The following SNED1 variants were observed in gnomAD, a reference collection of about 807,000 sequenced individuals.
The protein encoded by SNED1 is sushi, nidogen and EGF-like domain-containing protein 1.
SNED1 carries 81 observed loss-of-function variants against 166.7 expected under a neutral mutation model. The ratio of observed to expected loss-of-function variants is 0.49; its 90% CI spans 0.41 to 0.58. The LOEUF (loss-of-function observed/expected upper bound fraction) is 0.58. Among genes scored for constraint, SNED1 ranks in the 20% least tolerant of loss-of-function variants. SNED1 has a pLI of 0.00. For synonymous variants in SNED1, 762 were observed against 822.0 expected (o/e 0.93, Z 1.25); for missense variants, 1,604 against 2,000.2 (o/e 0.80, Z 3.78).
At chr2:241,072,897 T>G in intron 26 of SNED1, 1 of 288,186 alleles carries the variant, frequency 3.5e-6, no homozygotes, top group Non-Finnish European at 6.5e-6. Flanking sequence ...GAGCAGGGGG[T>G]GCCACAGCCT....
chr2:241,028,773 A>G (rs898398673), intron 1 of SNED1, among the ~76,000 whole-genome samples: 3 of 152,136 alleles, frequency 2.0e-5, no homozygotes, highest in Admixed American at 6.5e-5. Flanking sequence ...ATAAAATTCT[A>G]AAGTTTGCAT....
intron 26 of SNED1, chr2:241,072,463 G>A: frequency 2.8e-6 from 1 of 355,234 alleles, no homozygotes; most frequent in South Asian, 2.1e-5. Context: ...CTGCCCCAGA[G>A]GGGACCTCTC....
At chr2:241,058,780 C>G (rs2062142510) in intron 16 of SNED1, among the ~76,000 whole-genome samples, 1 of 152,238 alleles carries the variant, frequency 6.6e-6, no homozygotes, top group African/African-American at 2.4e-5. Flanking sequence ...GAAACCCCGT[C>G]TCTACTAAAA....
At chr2:241,014,695 C>T (rs1172745177) in intron 1 of SNED1, among the ~76,000 whole-genome samples, 3 of 152,178 alleles carry the variant, frequency 2.0e-5, no homozygotes, top group Non-Finnish European at 2.9e-5. Flanking sequence ...GCACTCGTTT[C>T]ATCCTCTTTA....
intron 1 of SNED1, among the ~76,000 whole-genome samples, chr2:241,009,554 C>T (rs1021549869): frequency 3.9e-5 from 6 of 152,018 alleles, no homozygotes; most frequent in Admixed American, 1.3e-4. Context: ...AGAAAGGGCA[C>T]GGGGGCTGGG....
chr2:241,031,723 A>G (rs2061175197), intron 2 of SNED1, among the ~76,000 whole-genome samples: 1 of 152,152 alleles, frequency 6.6e-6, no homozygotes, highest in Non-Finnish European at 1.5e-5. Context: ...CACCACCCCA[A>G]TTCTACGGCC....
Position 241,091,675 on chromosome 2 carries a change from G to A in SNED1, c.*39G>A, listed in dbSNP as rs16843241. ...TCTTGTTACACTCCACCAACCTCAC[G>A]AGTTTCTAACACCCAGGAAGATGAG... On this transcript the variant is annotated 3_prime_UTR_variant, in exon 32 of 32. Coordinates refer to ENST00000310397, the MANE Select transcript of SNED1 (RefSeq NM_001080437.3). This position sits in a 1 kb window ranked among gnomAD's most constrained non-coding sequence, Gnocchi z 4.1. The A allele has an allele frequency of 0.07, 10,676 of 152,256 alleles. 524 individuals are homozygous for A. The highest frequency in any genetic ancestry group is 0.21 in the East Asian group (1,080 of 5,182). 9.4% of individuals were successfully genotyped at this position (152,256 alleles called of 1,614,324 possible).
At chr2:241,058,208 CAAT>C (rs1216569839) in intron 16 of SNED1, among the ~76,000 whole-genome samples, 2 of 152,092 alleles carry the variant, frequency 1.3e-5, no homozygotes, top group East Asian at 1.9e-4. Context: ...GGGTGTCTCT[CAAT>C]GATAATTGGT....
chr2:241,002,102 G>A (rs2060093963), intron 1 of SNED1, among the ~76,000 whole-genome samples: 1 of 152,162 alleles, frequency 6.6e-6, no homozygotes, highest in Non-Finnish European at 1.5e-5. Context: ...CATGCAGCCT[G>A]TGACCTTTGC....
At chr2:241,021,910 T>C (rs1286443261) in intron 1 of SNED1, among the ~76,000 whole-genome samples, 6 of 152,246 alleles carry the variant, frequency 3.9e-5, no homozygotes, top group Admixed American at 6.5e-5. Context: ...AGGGTTCCAA[T>C]TTCTCATCAA....
intron 3 of SNED1, among the ~76,000 whole-genome samples, chr2:241,034,354 G>A (rs1461671079): frequency 1.3e-5 from 2 of 152,202 alleles, no homozygotes; most frequent in Non-Finnish European, 2.9e-5. Context: ...CCTGGCCCCA[G>A]GGGAGGCCCA....
intron 26 of SNED1, 112 bp downstream of exon 26, chr2:241,071,990 C>A: frequency 1.1e-6 from 1 of 951,844 alleles, no homozygotes; most frequent in South Asian, 1.4e-5. Flanking sequence ...CCAGCGCAGT[C>A]TCCAGCCAGT....
intron 4 of SNED1, 81 bp from the exon 5 acceptor site, chr2:241,036,709 A>C: frequency 6.4e-7 from 1 of 1,568,374 alleles, no homozygotes; most frequent in Non-Finnish European, 8.6e-7. Flanking sequence ...CAGGGGAGGG[A>C]AGGGAGATGC....
chr2:241,084,589 A>C (rs1219682222), intron 29 of SNED1, among the ~76,000 whole-genome samples: 1 of 152,216 alleles, frequency 6.6e-6, no homozygotes, highest in Admixed American at 6.5e-5. Context: ...AATTATTATC[A>C]GACTTTTTCC....
intron 6 of SNED1, 117 bp downstream of exon 6, chr2:241,037,470 C>A (rs932167914): frequency 2.8e-6 from 2 of 725,648 alleles, no homozygotes; most frequent in African/African-American, 3.5e-5. Flanking sequence ...GCAAGGTAGA[C>A]AGCCCAGAGA....
chr2:241,032,967 T>C (rs1158007628), intron 2 of SNED1, among the ~76,000 whole-genome samples: 2 of 152,254 alleles, frequency 1.3e-5, no homozygotes, highest in African/African-American at 2.4e-5. Flanking sequence ...TTTGATCTTA[T>C]GGATTTTTTT....
intron 31 of SNED1, chr2:241,088,983 A>G (rs1010078704): frequency 7.3e-6 from 2 of 273,280 alleles, no homozygotes; most frequent in Non-Finnish European, 6.9e-6. Flanking sequence ...GCATTCATAA[A>G]TCCTGACGTG....
chr2:241,047,146 CA>C (rs59981303), intron 8 of SNED1, among the ~76,000 whole-genome samples: 7,020 of 68,198 alleles, frequency 0.1, 296 homozygotes, highest in East Asian at 0.25. Flanking sequence ...GAGACTCTGT[CA>C]AAAAAAAAAA....
intron 16 of SNED1, among the ~76,000 whole-genome samples, chr2:241,059,844 G>A (rs190932776): frequency 2.6e-5 from 4 of 152,186 alleles, no homozygotes; most frequent in Non-Finnish European, 2.9e-5. Flanking sequence ...CCTGGAATCC[G>A]TACAAGGCAA....
Sources: gnomAD v4.1 joint callset for allele counts (sites outside exome capture counted in the v4.1 genomes callset) on GRCh38, gnomAD v4.1.1 for gene constraint, Gnocchi (gnomAD v3.1) non-coding constraint, MANE v1.5 for transcripts, NCBI Gene and HGNC (gene_info 2026-07-23, HGNC 2026-07-21) for gene names.